The following ARB2A variants were observed in gnomAD, a reference collection of about 807,000 sequenced individuals.
ARB2A encodes cotranscriptional regulator ARB2A.
At chr5:93,784,449 C>G in the ARB2A span, 1 of 1,613,506 alleles carries the variant, frequency 6.2e-7, no homozygotes, top group Non-Finnish European at 8.5e-7. Context: ...CAGAGTCTGT[C>G]AATGCCACAG....
At chr5:93,877,356 G>A in the ARB2A span, among the ~76,000 whole-genome samples, 1 of 152,082 alleles carries the variant, frequency 6.6e-6, no homozygotes, top group African/African-American at 2.4e-5. Context: ...GCTCCAGTTT[G>A]ATAACAGAAT....
At chr5:94,101,061 T>C in the ARB2A span, among the ~76,000 whole-genome samples, 36 of 151,456 alleles carry the variant, frequency 2.4e-4, no homozygotes, top group African/African-American at 8.7e-4. Context: ...AAAATGGAGA[T>C]TCAGGAGAAA....
the ARB2A span, among the ~76,000 whole-genome samples, chr5:93,974,459 T>C: frequency 6.6e-6 from 1 of 152,116 alleles, no homozygotes; most frequent in East Asian, 1.9e-4. Context: ...CAATTACTTC[T>C]AGACCTAAGA....
the ARB2A span, among the ~76,000 whole-genome samples, chr5:93,621,581 C>G: frequency 2.0e-5 from 3 of 152,348 alleles, no homozygotes; most frequent in South Asian, 6.2e-4. Context: ...CACCCACTCC[C>G]GAGACTCGGC....
the ARB2A span, among the ~76,000 whole-genome samples, chr5:94,048,051 C>CTTTTT: frequency 0.024 from 2,263 of 95,868 alleles, 32 homozygotes; most frequent in East Asian, 0.031. Context: ...AATCGGTAAG[C>CTTTTT]TTTTTTTTTT....
chr5:93,781,577 G>C, the ARB2A span, among the ~76,000 whole-genome samples: 1 of 151,988 alleles, frequency 6.6e-6, no homozygotes, highest in African/African-American at 2.4e-5. Context: ...GGATCAAATA[G>C]TACTTCTATC....
the ARB2A span, among the ~76,000 whole-genome samples, chr5:93,941,707 T>C: frequency 6.6e-6 from 1 of 152,180 alleles, no homozygotes; most frequent in Non-Finnish European, 1.5e-5. Context: ...TAATATCTAA[T>C]TGTTTTAAAA....
chr5:93,702,216 C>T, the ARB2A span, among the ~76,000 whole-genome samples: 667 of 152,222 alleles, frequency 4.4e-3, 2 homozygotes, highest in Admixed American at 6.9e-3. Context: ...AGATATGTCC[C>T]TTAAAGGAAG....
At chr5:94,055,724 G>T in the ARB2A span, 10 of 985,296 alleles carry the variant, frequency 1.0e-5, no homozygotes, top group Non-Finnish European at 1.2e-5. Flanking sequence ...ACTTGCAGTA[G>T]CCAGAATGTT....
the ARB2A span, among the ~76,000 whole-genome samples, chr5:93,951,668 T>C: frequency 3.9e-5 from 6 of 152,322 alleles, no homozygotes; most frequent in East Asian, 5.8e-4. Context: ...CTCTATTCTA[T>C]TCCATTGGTT....
the ARB2A span, among the ~76,000 whole-genome samples, chr5:93,945,240 C>A: frequency 1.8e-4 from 28 of 152,018 alleles, no homozygotes; most frequent in Non-Finnish European, 3.7e-4. Flanking sequence ...GTCAGGAGTT[C>A]GAGATCAGCC....
At chr5:93,740,397 C>G in the ARB2A span, 1 of 626,904 alleles carries the variant, frequency 1.6e-6, no homozygotes, top group African/African-American at 1.8e-5. Context: ...ACTTCATCTT[C>G]TCTCCCAGGT....
the ARB2A span, among the ~76,000 whole-genome samples, chr5:93,810,210 T>A: frequency 2.0e-5 from 3 of 151,290 alleles, no homozygotes; most frequent in Admixed American, 1.3e-4. Context: ...TTTTTTTTTT[T>A]AAACCCAATT....
the ARB2A span, among the ~76,000 whole-genome samples, chr5:93,859,932 C>T: frequency 6.6e-6 from 1 of 152,180 alleles, no homozygotes; most frequent in Non-Finnish European, 1.5e-5. Context: ...AACAATTCTA[C>T]TAATAAGTAT....
At chr5:93,824,063 A>C in the ARB2A span, 1 of 1,134,710 alleles carries the variant, frequency 8.8e-7, no homozygotes, top group South Asian at 3.2e-5. Flanking sequence ...ACATAACTTA[A>C]AGAGTATTGA....
chr5:94,002,145 C>A, the ARB2A span, among the ~76,000 whole-genome samples: 2 of 151,970 alleles, frequency 1.3e-5, no homozygotes, highest in African/African-American at 4.8e-5. Flanking sequence ...TCCCTTCCCC[C>A]AGATTAGTTA....
the ARB2A span, among the ~76,000 whole-genome samples, chr5:94,033,215 A>C: frequency 1.3e-5 from 2 of 152,146 alleles, no homozygotes; most frequent in African/African-American, 4.8e-5. Flanking sequence ...TCTTTATAAC[A>C]GTGTGAGAAT....
chr5:93,773,999 C>T, the ARB2A span, among the ~76,000 whole-genome samples: 9 of 152,180 alleles, frequency 5.9e-5, no homozygotes, highest in African/African-American at 1.9e-4. Flanking sequence ...TGGTATCAAA[C>T]TCCTGGCTCT....
the ARB2A span, among the ~76,000 whole-genome samples, chr5:93,950,921 G>A: frequency 6.7e-6 from 1 of 149,374 alleles, no homozygotes; most frequent in Admixed American, 6.7e-5. Flanking sequence ...TCCAGCCTGG[G>A]TGACAGAGTG....
Sources: gnomAD v4.1 joint callset for allele counts (sites outside exome capture counted in the v4.1 genomes callset) on GRCh38, gnomAD v4.1.1 for gene constraint, MANE v1.5 for transcripts, NCBI Gene and HGNC (gene_info 2026-07-23, HGNC 2026-07-21) for gene names.